Variants in GLIS3 observed in about 807,000 individuals in gnomAD.
The protein encoded by GLIS3 is zinc finger protein GLIS3.
Under a neutral mutation model 78.6 loss-of-function variants are expected in GLIS3, and 53 were observed. The ratio of observed to expected loss-of-function variants is 0.67; its 90% CI spans 0.54 to 0.85. GLIS3 has a LOEUF of 0.85. GLIS3 is among the 40% of genes least tolerant of loss of function. The pLI is 0.00. For synonymous variants in GLIS3, 684 were observed against 509.9 expected (o/e 1.34, Z -4.60); for missense variants, 1,703 against 1,231.1 (o/e 1.38, Z -5.74).
intron 4 of GLIS3, chr9:4,072,009 CTG>C (rs1233275164): frequency 6.6e-6 from 1 of 152,202 alleles, no homozygotes; most frequent in Admixed American, 6.6e-5. Context: ...GCAGACAGCT[CTG>C]TACAACATAA....
Position 3,879,532 on chromosome 9 carries a change from G to A in GLIS3, c.2192C>T (p.Pro731Leu), listed in dbSNP as rs559017332. The change falls in exon 8 of 11, where the codon CCA becomes CTA. Residue 731 changes from proline (P) to leucine (L), a missense_variant. By Grantham distance (98) the Pro-to-Leu change is moderately conservative. Coordinates refer to ENST00000381971, the MANE Select transcript of GLIS3 (RefSeq NM_001042413.2). Reference sequence around the variant, plus strand: ...TGGAGAAGGGTGACTGACAGGATGTGGGGGTGGTACGGCCCCAGCAGCTGT... The same window carrying A: ...TGGAGAAGGGTGACTGACAGGATGTAGGGGTGGTACGGCCCCAGCAGCTGT... ...SGTAAGAVPP[P>L]HPVSHPSPGH... 2 of 1,614,110 alleles carry A rather than the reference G, an allele frequency of 1.2e-6. No homozygotes were observed. Among genetic ancestry groups the A allele is most frequent in the South Asian group, 1.1e-5 (1 of 91,076 alleles).
upstream of GLIS3, among the ~76,000 whole-genome samples, chr9:4,303,214 C>T (rs1308497633): frequency 1.3e-5 from 2 of 151,928 alleles, no homozygotes; most frequent in African/African-American, 2.4e-5. Flanking sequence ...CCCCAAAATA[C>T]AGATAAGTTG....
At chr9:4,159,632 T>C (rs1008534343) in intron 2 of GLIS3, among the ~76,000 whole-genome samples, 1 of 151,650 alleles carries the variant, frequency 6.6e-6, no homozygotes, top group African/African-American at 2.4e-5. Flanking sequence ...GGCAGGGAAA[T>C]TGCTTGAATC....
At chr9:4,071,564 T>C (rs1320448337) in intron 4 of GLIS3, among the ~76,000 whole-genome samples, 1 of 152,128 alleles carries the variant, frequency 6.6e-6, no homozygotes, top group Non-Finnish European at 1.5e-5. Flanking sequence ...AGATTTTGAG[T>C]TTTAAAAGGA....
chr9:4,224,426 G>A (rs1305211235), intron 2 of GLIS3, among the ~76,000 whole-genome samples: 1 of 152,164 alleles, frequency 6.6e-6, no homozygotes, highest in South Asian at 2.1e-4. Flanking sequence ...GTGAGATGTC[G>A]TTCATCATAC....
chr9:4,156,185 C>T (rs1016527695), intron 2 of GLIS3, among the ~76,000 whole-genome samples: 12 of 152,234 alleles, frequency 7.9e-5, no homozygotes, highest in African/African-American at 2.6e-4. Flanking sequence ...TTCACTCTTC[C>T]ATTCTCTCAC....
chr9:3,940,056 T>C (rs1291478809), intron 4 of GLIS3, among the ~76,000 whole-genome samples: 1 of 152,214 alleles, frequency 6.6e-6, no homozygotes, highest in African/African-American at 2.4e-5. Context: ...AATAATTTTA[T>C]CATGAATCAT....
At chr9:4,424,842 G>A in the GLIS3 span, among the ~76,000 whole-genome samples, 6 of 151,696 alleles carry the variant, frequency 4.0e-5, no homozygotes, top group African/African-American at 1.5e-4. Flanking sequence ...TTAAAGGTGT[G>A]AGCCACTGTG....
At chr9:3,919,036 C>G (rs1430122092) in intron 6 of GLIS3, among the ~76,000 whole-genome samples, 1 of 152,136 alleles carries the variant, frequency 6.6e-6, no homozygotes, top group Non-Finnish European at 1.5e-5. Flanking sequence ...GAATGGGGGA[C>G]AGTGACCATG....
the GLIS3 span, among the ~76,000 whole-genome samples, chr9:4,401,148 T>C: frequency 6.6e-6 from 1 of 152,180 alleles, no homozygotes; most frequent in Non-Finnish European, 1.5e-5. Flanking sequence ...TTGGACAGCA[T>C]TTCTATATCT....
chr9:3,946,205 G>A (rs1816285770), intron 4 of GLIS3, among the ~76,000 whole-genome samples: 2 of 152,160 alleles, frequency 1.3e-5, no homozygotes, highest in Admixed American at 1.3e-4. Flanking sequence ...TGGATTGTTT[G>A]TTTCCCTACT....
intron 8 of GLIS3, among the ~76,000 whole-genome samples, chr9:3,879,067 G>A (rs1742174502): frequency 6.6e-6 from 1 of 152,016 alleles, no homozygotes; most frequent in African/African-American, 2.4e-5. Context: ...TGATTTATGT[G>A]GCGAGGGCAC....
At chr9:3,990,176 G>A (rs952390707) in intron 4 of GLIS3, among the ~76,000 whole-genome samples, 1 of 152,190 alleles carries the variant, frequency 6.6e-6, no homozygotes, top group African/African-American at 2.4e-5. Flanking sequence ...TGTGGAAAGA[G>A]CCGAGGGCAA....
the GLIS3 span, among the ~76,000 whole-genome samples, chr9:4,473,480 C>G: frequency 2.1e-5 from 2 of 93,474 alleles, no homozygotes; most frequent in Middle Eastern, 7.7e-3. Flanking sequence ...GGATCATGTA[C>G]TCCTTTGCAG....
chr9:4,335,910 C>A (rs1817749708), intron 2 of GLIS3, among the ~76,000 whole-genome samples: 1 of 152,146 alleles, frequency 6.6e-6, no homozygotes, highest in Non-Finnish European at 1.5e-5. Flanking sequence ...TAATACAGAG[C>A]TATGACAACC....
intron 2 of GLIS3, among the ~76,000 whole-genome samples, chr9:4,187,199 C>T (rs1817885344): frequency 6.6e-6 from 1 of 152,202 alleles, no homozygotes. Flanking sequence ...GATCCAGTTT[C>T]AGCTTTCTAC....
At chr9:4,363,687 G>C in the GLIS3 span, among the ~76,000 whole-genome samples, 1 of 152,156 alleles carries the variant, frequency 6.6e-6, no homozygotes, top group African/African-American at 2.4e-5. Context: ...TCAACAGATA[G>C]GCACTCAGCA....
chr9:4,133,874 A>ACCCCCC (rs1554711174), intron 2 of GLIS3, among the ~76,000 whole-genome samples: 1 of 123,918 alleles, frequency 8.1e-6, no homozygotes, highest in African/African-American at 3.1e-5. Flanking sequence ...ACACACACAC[A>ACCCCCC]CCGTACATCT....
chr9:4,272,917 C>T (rs73643723), intron 2 of GLIS3, among the ~76,000 whole-genome samples: 3,497 of 152,258 alleles, frequency 0.023, 145 homozygotes, highest in African/African-American at 0.08. Context: ...CTAGTTTGTA[C>T]AACAAATTAT....
Sources: allele counts gnomAD v4.1 joint callset (sites outside exome capture counted in the v4.1 genomes callset), GRCh38; gene constraint gnomAD v4.1.1; transcripts MANE v1.5; gene names NCBI Gene and HGNC (gene_info 2026-07-23, HGNC 2026-07-21).